Variants in NHERF2 observed in about 807,000 individuals in gnomAD.
NHERF2 encodes NHERF family PDZ scaffold protein 2, also known as Na(+)/H(+) exchange regulatory cofactor NHE-RF2.
At chr16:2,038,402 C>CT in the NHERF2 span, 1 of 295,502 alleles carries the variant, frequency 3.4e-6, no homozygotes, top group Non-Finnish European at 6.0e-6. Flanking sequence ...TACCAGAGAC[C>CT]CCCCCCCTTC....
the NHERF2 span, among the ~76,000 whole-genome samples, chr16:2,037,190 T>G: frequency 3.5e-4 from 54 of 152,274 alleles, no homozygotes; most frequent in African/African-American, 1.3e-3. Context: ...GTGGGGCCCC[T>G]GGGGTCGGGG....
chr16:2,030,666 C>T, the NHERF2 span, among the ~76,000 whole-genome samples: 64 of 143,580 alleles, frequency 4.5e-4, no homozygotes, highest in South Asian at 3.3e-3. Context: ...TGGCCGGGTG[C>T]GGTGGCTCAC....
At chr16:2,036,362 C>A in the NHERF2 span, 1 of 1,610,828 alleles carries the variant, frequency 6.2e-7, no homozygotes, top group East Asian at 2.2e-5. Flanking sequence ...GCCCTCGGCT[C>A]TGCCACCTGC....
At chr16:2,033,393 G>A in the NHERF2 span, 132 of 1,533,348 alleles carry the variant, frequency 8.6e-5, no homozygotes, top group South Asian at 1.1e-3. Context: ...CCCGGGCTCC[G>A]GGAGCCCCTC....
the NHERF2 span, among the ~76,000 whole-genome samples, chr16:2,030,372 G>T: frequency 1.3e-5 from 2 of 152,148 alleles, no homozygotes; most frequent in East Asian, 3.9e-4. Context: ...AGATACAAGG[G>T]AGGGCCCTGG....
chr16:2,034,314 G>C, the NHERF2 span, among the ~76,000 whole-genome samples: 2,565 of 95,098 alleles, frequency 0.027, 15 homozygotes, highest in South Asian at 0.13. Context: ...CGCCTTCCCT[G>C]CGTCCCAGGC....
chr16:2,030,141 C>T, the NHERF2 span, among the ~76,000 whole-genome samples: 2 of 152,234 alleles, frequency 1.3e-5, no homozygotes, highest in African/African-American at 2.4e-5. Context: ...GTGCGCAGCT[C>T]TGTGCCTGTG....
the NHERF2 span, chr16:2,035,391 C>CCCTGGCCTGG: frequency 2.0e-6 from 2 of 984,432 alleles, no homozygotes; most frequent in Non-Finnish European, 1.2e-6. Flanking sequence ...GCCGCCCCAG[C>CCCTGGCCTGG]CCTGGCCTGG....
chr16:2,037,307 CG>C, the NHERF2 span, among the ~76,000 whole-genome samples: 1 of 152,106 alleles, frequency 6.6e-6, no homozygotes, highest in East Asian at 1.9e-4. Flanking sequence ...TTGCTCACGC[CG>C]GCCATTCCTG....
chr16:2,033,382 G>T, the NHERF2 span: 3 of 1,533,340 alleles, frequency 2.0e-6, no homozygotes, highest in Non-Finnish European at 2.6e-6. Context: ...CACGCCACCT[G>T]CCCGGGCTCC....
At chr16:2,033,088 C>A in the NHERF2 span, 4 of 985,408 alleles carry the variant, frequency 4.1e-6, no homozygotes, top group East Asian at 4.5e-4. Context: ...TGGGGCAGGG[C>A]AGGGCCTTCC....
the NHERF2 span, among the ~76,000 whole-genome samples, chr16:2,034,927 C>T: frequency 6.6e-6 from 1 of 152,240 alleles, no homozygotes; most frequent in Non-Finnish European, 1.5e-5. Context: ...CCTGTGCCAC[C>T]AGGTGTGTCT....
At chr16:2,038,416 TCCCCCTTCC>T in the NHERF2 span, 1 of 58,718 alleles carries the variant, frequency 1.7e-5, no homozygotes, top group Non-Finnish European at 3.5e-5. Flanking sequence ...CCCCTTCCCC[TCCCCCTTCC>T]CCTCCCCCTT....
chr16:2,036,658 C>T, the NHERF2 span: 1 of 1,580,554 alleles, frequency 6.3e-7, no homozygotes, highest in Admixed American at 1.7e-5. Context: ...TATTTGATGC[C>T]ACACCTGGCC....
the NHERF2 span, among the ~76,000 whole-genome samples, chr16:2,030,045 G>T: frequency 6.6e-6 from 1 of 152,172 alleles, no homozygotes; most frequent in Non-Finnish European, 1.5e-5. Flanking sequence ...TTGCCCTATC[G>T]AGGGGTCACT....
chr16:2,032,806 G>T, the NHERF2 span: 2 of 996,392 alleles, frequency 2.0e-6, no homozygotes, highest in Admixed American at 1.1e-4. This position sits in a 1 kb window ranked among gnomAD's most constrained non-coding sequence, Gnocchi z 4.0. Flanking sequence ...ACAGAGACGG[G>T]GTGGCCAGCG....
chr16:2,037,220 C>T, the NHERF2 span, among the ~76,000 whole-genome samples: 2 of 152,188 alleles, frequency 1.3e-5, no homozygotes, highest in African/African-American at 2.4e-5. Context: ...TCTGTCCTCT[C>T]CTGGGCACCA....
chr16:2,035,582 C>T, the NHERF2 span: 46 of 987,198 alleles, frequency 4.7e-5, no homozygotes, highest in African/African-American at 4.7e-4. Flanking sequence ...CACGGGCAGC[C>T]GCTGGCCACC....
the NHERF2 span, among the ~76,000 whole-genome samples, chr16:2,030,774 C>T: frequency 1.3e-5 from 2 of 152,016 alleles, no homozygotes; most frequent in Admixed American, 6.5e-5. Context: ...ACCCCCGTCT[C>T]TACTAAAAAT....
Sources: allele counts gnomAD v4.1 joint callset (sites outside exome capture counted in the v4.1 genomes callset), GRCh38; gene constraint gnomAD v4.1.1; non-coding constraint Gnocchi (gnomAD v3.1); transcripts MANE v1.5; gene names NCBI Gene and HGNC (gene_info 2026-07-23, HGNC 2026-07-21).